Variants in APBA3 observed in about 807,000 individuals in gnomAD.
APBA3 encodes the protein amyloid beta precursor protein binding family A member 3.
APBA3 carries 45 observed loss-of-function variants against 55.9 expected under a neutral mutation model. The observed-to-expected ratio is 0.80, with a 90% CI of 0.63 to 1.03. The LOEUF is 1.03. APBA3 is among the 50% of genes least tolerant of loss of function. APBA3 has a pLI of 0.00. For missense variants in APBA3, 865 were observed against 820.3 expected, an observed-to-expected ratio of 1.05 and a Z score of -0.67; for synonymous variants, 370 against 353.3, an observed-to-expected ratio of 1.05 and a Z score of -0.53.
At chr19:3,758,028 G>A (rs925446431) in intron 3 of APBA3, among the ~76,000 whole-genome samples, 2 of 151,972 alleles carry the variant, frequency 1.3e-5, no homozygotes, top group South Asian at 2.1e-4. Context: ...TCCGCCTCCC[G>A]GGTTCATGTG....
intron 8 of APBA3, 75 bp downstream of exon 8, chr19:3,752,433 C>A: frequency 7.3e-7 from 1 of 1,374,088 alleles, no homozygotes; most frequent in Non-Finnish European, 9.8e-7. Context: ...AGAGACCTGG[C>A]CAGGGAGGAG....
At position 3,752,577 on chromosome 19, in the gene APBA3, G is replaced by A. The variant is rs1422566610; in HGVS notation, c.1326C>T (p.Asp442=). The change falls in exon 8 of 11, where the codon GAC becomes GAT. Residue 442 remains aspartate, a synonymous_variant. Coordinates refer to ENST00000316757, the MANE Select transcript of APBA3 (RefSeq NM_004886.4). The part of the protein sequence containing the change: ...AERSGALSIG[D]RLTAINGTSL... ...TGGTCCCGTTGATGGCGGTCAGGCG[G>A]TCCCCGATGCTGAGGGCCCCCGAGC... 6 of 1,587,992 alleles carry A rather than the reference G, an allele frequency of 3.8e-6. No individual in the cohort carries two copies. In the South Asian group the frequency reaches 6.8e-5, roughly 18 times the overall value.
rs938846299 is a variant in APBA3, at chr19:3,751,507, G to A, written c.1442C>T (p.Pro481Leu). 1.9e-6 allele frequency: 3 copies of A among 1,586,732 alleles called. No homozygotes were observed. The highest frequency in any genetic ancestry group is 2.6e-6 in the Non-Finnish European group (3 of 1,169,698). ...GTGGATGATGGCGGTGGTGACGGGA[G>A]GGCAGTGGACGATGCTGAGTGTCAC... ...TSVTLSIVHC[P>L]PVTTAIIHRP... The change falls in exon 9 of 11, where the codon CCT becomes CTT. Residue 481 changes from proline (P) to leucine (L), a missense_variant. Transcript: ENST00000316757.
intron 3 of APBA3, among the ~76,000 whole-genome samples, chr19:3,758,843 A>T (rs1290943457): frequency 6.6e-6 from 1 of 151,966 alleles, no homozygotes; most frequent in Non-Finnish European, 1.5e-5. Flanking sequence ...ACGCCACTGC[A>T]CTCCAAGCCT....
Position 3,754,061 on chromosome 19 carries a change from G to C in APBA3, c.807C>G (p.Phe269Leu), listed in dbSNP as rs565229318. 1 of 1,610,856 alleles carries C rather than the reference G, an allele frequency of 6.2e-7. No individual in the cohort carries two copies. The change falls in exon 5 of 11, where the codon TTC becomes TTG. Residue 269 changes from phenylalanine to leucine, a missense_variant. By Grantham distance (22) the Phe-to-Leu change is conservative (BLOSUM62 0). Transcript: ENST00000316757. ...ETQPMTEVDL[F>L]VSTKRIKVLT... ...AGACCTTGATCCTCTTGGTGGAGAC[G>C]AACAGGTCCACCTCCGTCATGGGCT...
chr19:3,761,424 G>A (rs1009824835), intron 1 of APBA3, 112 bp downstream of exon 1: 8 of 152,902 alleles, frequency 5.2e-5, no homozygotes, highest in African/African-American at 1.9e-4. Context: ...ATCGACTCCA[G>A]ACTCAGACCC....
At position 3,752,655 on chromosome 19, in the gene APBA3, G is replaced by T. The variant is rs1286362230; in HGVS notation, c.1248C>A (p.Ser416=). ...TGGCGATGACGGCTGTGGGCAGCAGGGAGCCCCAGCCCGACTCCACCAGGG... is the reference window on the plus strand; with the variant it reads ...TGGCGATGACGGCTGTGGGCAGCAGTGAGCCCCAGCCCGACTCCACCAGGG... ...GVALVESGWG[S]LLPTAVIANL... is the part of the protein sequence containing the mutation. Residue 416 remains serine, a synonymous_variant, in exon 8 of 11, where the codon TCC becomes TCA. Coordinates refer to ENST00000316757, the MANE Select transcript of APBA3 (RefSeq NM_004886.4). 2 of 1,590,480 alleles carry T rather than the reference G, an allele frequency of 1.3e-6. No homozygotes were observed. The highest frequency in any genetic ancestry group is 1.7e-6 in the Non-Finnish European group (2 of 1,174,192).
chr19:3,755,048 A>T (rs2240814), intron 3 of APBA3: 18,120 of 152,222 alleles, frequency 0.12, 1,357 homozygotes, highest in South Asian at 0.27. Context: ...TCCCTCCATC[A>T]ATCTAGAACT....
intron 3 of APBA3, 140 bp downstream of exon 3, chr19:3,759,421 A>C: frequency 1.2e-6 from 1 of 811,016 alleles, no homozygotes; most frequent in Non-Finnish European, 2.0e-6. Flanking sequence ...CTCCCTGGCC[A>C]GCCGGAATCT....
chr19:3,757,663 C>T (rs2037094761), intron 3 of APBA3, among the ~76,000 whole-genome samples: 1 of 152,036 alleles, frequency 6.6e-6, no homozygotes, highest in African/African-American at 2.4e-5. Context: ...ATCCGGGCGG[C>T]AGAGGTTGAA....
intron 5 of APBA3, 40 bp downstream of exon 5, chr19:3,753,979 C>T (rs1430260918): frequency 2.5e-6 from 4 of 1,583,458 alleles, no homozygotes; most frequent in Non-Finnish European, 3.4e-6. Flanking sequence ...CAGGCTCGAT[C>T]ACCCCACCCG....
Position 3,760,299 on chromosome 19 carries a change from C to A in APBA3, c.-35G>T. 1.3e-6 allele frequency: 2 copies of A among 1,545,676 alleles called. No homozygotes were observed. The highest frequency in any genetic ancestry group is 1.7e-6 in the Non-Finnish European group (2 of 1,154,358). Reference sequence around the variant, plus strand: ...CCAGGCTTAGGCCGGCATCTTCAGGCAGCTGAAAGAGAGAGAGTCAGCACT... The same window carrying A: ...CCAGGCTTAGGCCGGCATCTTCAGGAAGCTGAAAGAGAGAGAGTCAGCACT... On this transcript the variant is annotated splice_region_variant and 5_prime_UTR_variant, in exon 2 of 11. Transcript: ENST00000316757.
intron 10 of APBA3, 37 bp from the exon 11 acceptor site, chr19:3,751,134 C>T: frequency 6.4e-7 from 1 of 1,559,478 alleles, no homozygotes; most frequent in Non-Finnish European, 8.7e-7. Context: ...CAGGGCAGGC[C>T]TGGGCTCGTG....
Position 3,759,562 on chromosome 19 carries a change from C to T in APBA3, c.615G>A (p.Glu205=), listed in dbSNP as rs1439639177. 1.3e-6 allele frequency: 2 copies of T among 1,598,232 alleles called. No individual in the cohort carries two copies. The highest frequency in any genetic ancestry group is 1.7e-6 in the Non-Finnish European group (2 of 1,173,986). The change falls in exon 3 of 11, where the codon GAG becomes GAA. Residue 205 remains glutamate (E), a splice_region_variant and synonymous_variant. Coordinates refer to ENST00000316757, the MANE Select transcript of APBA3 (RefSeq NM_004886.4). The stretch of plus-strand genomic sequence containing the variant: ...GGCTAGGGTGGGCGGGACACTCACC[C>T]TCCTGGGGGGCAGGGTAGGAAGCCA... ...ETLASYPAPQ[E]VPGPCDHEDL...
At position 3,753,750 on chromosome 19, in the gene APBA3, G is replaced by A. The variant is rs763111899; in HGVS notation, c.1011+15C>T. On this transcript the variant is annotated intron_variant, in intron 6 of 10. Transcript: ENST00000316757. Reference sequence around the variant, plus strand: ...GAGGGCCTCAGGAGGGTGGCCCCGCGCCCTGGCTGCTCACGTCCTCCGCGT... The same window carrying A: ...GAGGGCCTCAGGAGGGTGGCCCCGCACCCTGGCTGCTCACGTCCTCCGCGT... 9.4e-6 allele frequency: 14 copies of A among 1,496,708 alleles called. No individual in the cohort carries two copies. Among genetic ancestry groups the A allele is most frequent in the African/African-American group, 1.4e-5 (1 of 72,348 alleles). 92.7% of individuals were successfully genotyped at this position (1,496,708 alleles called of 1,614,324 possible). A position where few individuals can be genotyped will look rare whatever the true frequency, so the allele number is the denominator to read the frequency against.
At chr19:3,752,744 G>A (rs1395756346) in intron 7 of APBA3, 24 bp from the exon 8 acceptor site, 4 of 1,607,088 alleles carry the variant, frequency 2.5e-6, no homozygotes, top group Non-Finnish European at 3.4e-6. Context: ...GGGGCGCGGA[G>A]GCTGCTCAGC....
intron 8 of APBA3, among the ~76,000 whole-genome samples, chr19:3,752,138 CAGA>C (rs1420147379): frequency 1.3e-5 from 2 of 152,126 alleles, no homozygotes; most frequent in Non-Finnish European, 2.9e-5. Context: ...TGCTTGAGCC[CAGA>C]AGGTCAAGGC....
At chr19:3,755,914 T>C (rs1043565935) in intron 3 of APBA3, 3 of 151,670 alleles carry the variant, frequency 2.0e-5, no homozygotes, top group Non-Finnish European at 4.4e-5. Context: ...AACCAGTAAC[T>C]ACGGCTCTTT....
At chr19:3,755,325 C>T (rs563764632) in intron 3 of APBA3, 1 of 152,294 alleles carries the variant, frequency 6.6e-6, no homozygotes, top group South Asian at 2.1e-4. Flanking sequence ...ACATCTTAAT[C>T]ACAATCGCGT....
Sources: gnomAD v4.1 joint callset for allele counts (sites outside exome capture counted in the v4.1 genomes callset) on GRCh38, gnomAD v4.1.1 for gene constraint, MANE v1.5 for transcripts, NCBI Gene and HGNC (gene_info 2026-07-23, HGNC 2026-07-21) for gene names.